Variants in KIF26A observed in about 807,000 individuals in gnomAD.
The protein encoded by KIF26A is kinesin-like protein KIF26A.
In KIF26A, 74 loss-of-function variants were observed where a neutral mutation model predicts 126.0. That is an observed-to-expected ratio of 0.59 (90% confidence interval 0.49 to 0.71). The LOEUF is 0.71. KIF26A is among the 30% of genes least tolerant of loss of function. The probability of loss-of-function intolerance (pLI) is 0.00; values close to 1 mark genes in which losing one functional copy is unlikely to be tolerated. For synonymous variants in KIF26A, 1,445 were observed against 1,232.7 expected, an observed-to-expected ratio of 1.17 and a Z score of -3.61; for missense variants, 2,984 against 2,763.3, an observed-to-expected ratio of 1.08 and a Z score of -1.79.
chr14:104,151,007 C>A lies in KIF26A; in HGVS notation c.289-1008C>A, dbSNP rs2037724247. ...GACAGACACTGGTCCTGACTCTGGC[C>A]CTGACTGTTGCAGAGTGGTCCCAAG... On this transcript the variant is annotated intron_variant, in intron 2 of 14. Transcript: ENST00000423312. This position sits in a 1 kb window ranked among gnomAD's most constrained non-coding sequence, Gnocchi z 4.9. Among the ~76,000 whole-genome samples the A allele has an allele frequency of 6.6e-6, 1 of 152,296 alleles. No homozygotes were observed. Among genetic ancestry groups the A allele is most frequent in the Admixed American group, 6.5e-5 (1 of 15,302 alleles).
chr14:104,149,895 A>G (rs549511040), intron 2 of KIF26A, among the ~76,000 whole-genome samples: 1 of 152,308 alleles, frequency 6.6e-6, no homozygotes, highest in Admixed American at 6.5e-5. Context: ...TAATAGCTCC[A>G]GCAGGCGGGG....
At position 104,141,535 on chromosome 14, in the gene KIF26A, G is replaced by A. The variant is rs1034479391; in HGVS notation, c.288+2247G>A. Among the ~76,000 whole-genome samples, 700 of 149,792 alleles carry A rather than the reference G, an allele frequency of 4.7e-3. 9 individuals carry two copies. The highest frequency in any genetic ancestry group is 6.3e-3 in the Non-Finnish European group (422 of 67,326). Reference sequence around the variant, plus strand: ...TTGTAGAGGGAGGCGTAGAGGGTCGGGGCCCAGCCTGCCAGGGTCTCCCTG... The same window carrying A: ...TTGTAGAGGGAGGCGTAGAGGGTCGAGGCCCAGCCTGCCAGGGTCTCCCTG... On this transcript the variant is annotated intron_variant, in intron 2 of 14. Coordinates refer to ENST00000423312, the MANE Select transcript of KIF26A (RefSeq NM_015656.2).
intron 4 of KIF26A, among the ~76,000 whole-genome samples, chr14:104,162,288 C>G (rs908233904): frequency 6.6e-6 from 1 of 152,150 alleles, no homozygotes; most frequent in Admixed American, 6.5e-5. Flanking sequence ...AGATGTGGGG[C>G]GAACAACCTT....
intron 3 of KIF26A, among the ~76,000 whole-genome samples, chr14:104,157,460 G>A (rs933803848): frequency 1.3e-5 from 2 of 152,094 alleles, no homozygotes; most frequent in African/African-American, 4.8e-5. Context: ...CTGGCTTCTG[G>A]ACCACCATCT....
chr14:104,143,993 G>T (rs930178758), intron 2 of KIF26A, among the ~76,000 whole-genome samples: 1 of 152,236 alleles, frequency 6.6e-6, no homozygotes, highest in Admixed American at 6.5e-5. Context: ...TTACTGTTGG[G>T]GAGGGAGCCT....
rs761563321 is a variant in KIF26A, at chr14:104,152,430, G to A, written c.704G>A (p.Arg235Gln). The change falls in exon 3 of 15, where the codon CGG (arginine) becomes CAG (glutamine). Residue 235 changes from arginine (R) to glutamine (Q), a missense_variant. Transcript: ENST00000423312. This position sits in a 1 kb window ranked among gnomAD's most constrained non-coding sequence, Gnocchi z 5.9. ...QCLEGMWSVSRVNSFLPPACL... is the reference protein window; with the variant it reads ...QCLEGMWSVSQVNSFLPPACL... ...CTGGAGGGCATGTGGAGTGTCTCGC[G>A]GGTCAACAGCTTCCTCCCGCCGGCG... 10 of 1,592,050 alleles carry A rather than the reference G, an allele frequency of 6.3e-6. No homozygotes were observed. The Admixed American group carries it at 8.7e-5, about 14-fold the overall frequency.
chr14:104,160,687 A>G (rs1361273855), intron 4 of KIF26A, among the ~76,000 whole-genome samples: 3 of 152,164 alleles, frequency 2.0e-5, no homozygotes, highest in African/African-American at 7.2e-5. Flanking sequence ...AGGTTCTGGC[A>G]ACTCTGATGA....
Position 104,151,986 on chromosome 14 carries a change from A to T in KIF26A, c.289-29A>T. On this transcript the variant is annotated intron_variant, in intron 2 of 14. Transcript: ENST00000423312. This position sits in a 1 kb window ranked among gnomAD's most constrained non-coding sequence, Gnocchi z 4.9. Reference sequence around the variant, plus strand: ...GCCGGCCCTCCCTCCCCAGGCACTGACCCTGCCTTTGTCCCTTGCTGTCCT... The same window carrying T: ...GCCGGCCCTCCCTCCCCAGGCACTGTCCCTGCCTTTGTCCCTTGCTGTCCT... 6.2e-7 allele frequency: 1 copy of T among 1,603,798 alleles called. No individual in the cohort carries two copies. The highest frequency in any genetic ancestry group is 8.5e-7 in the Non-Finnish European group (1 of 1,172,000).
rs772473186 is a variant in KIF26A, at chr14:104,176,483, C to T, written c.3695C>T (p.Pro1232Leu). The T allele has an allele frequency of 6.2e-7, 1 of 1,606,458 alleles. No homozygotes were observed. Among genetic ancestry groups the T allele is most frequent in the Non-Finnish European group, 8.5e-7 (1 of 1,179,588 alleles). ...RVGCARLGQS[P>L]PGRGGLFEDP... ...GGCTGTGCTCGCCTGGGCCAGAGCC[C>T]ACCTGGCCGTGGAGGCCTGTTTGAG... The change falls in exon 12 of 15, where the codon CCA (proline) becomes CTA (leucine). Residue 1232 changes from proline to leucine, a missense_variant. Pro to Leu is a moderately conservative substitution (Grantham distance 98). Transcript: ENST00000423312.
intron 4 of KIF26A, among the ~76,000 whole-genome samples, chr14:104,161,890 A>T (rs898326576): frequency 2.0e-5 from 3 of 152,176 alleles, no homozygotes; most frequent in African/African-American, 7.2e-5. Flanking sequence ...CAAACCCCTC[A>T]GACTTGCCCA....
intron 4 of KIF26A, among the ~76,000 whole-genome samples, chr14:104,166,472 C>T (rs1193271652): frequency 3.3e-5 from 5 of 152,158 alleles, no homozygotes; most frequent in African/African-American, 1.2e-4. Context: ...TGGCTGCCCA[C>T]AGCCTGGGCA....
chr14:104,172,634 T>C lies in KIF26A; in HGVS notation c.1386T>C (p.Asp462=). 1 of 1,613,258 alleles carries C rather than the reference T, an allele frequency of 6.2e-7. No individual in the cohort carries two copies. The highest frequency in any genetic ancestry group is 8.5e-7 in the Non-Finnish European group (1 of 1,179,764). The change falls in exon 7 of 15, where the codon GAT becomes GAC. Residue 462 remains aspartate, a synonymous_variant. Transcript: ENST00000423312. ...DVLQSVVSGA[D]GCIFSFGHMS... is the part of the protein sequence containing the mutation. ...TCCAGTCGGTGGTCAGTGGGGCTGA[T>C]GGCTGCATTTTTTCCTTTGGCCACA...
rs1215206042 is a variant in KIF26A at position 104,152,879 on chromosome 14, G to A, written c.735+418G>A. Among the ~76,000 whole-genome samples the A allele has an allele frequency of 6.6e-6, 1 of 152,164 alleles. No individual in the cohort carries two copies. Among genetic ancestry groups the A allele is most frequent in the Admixed American group, 6.5e-5 (1 of 15,292 alleles). ...CTGGGGGTGTGAGGCGTCCATGGAC[G>A]TCGGGCGGGGGACCGGCAGTTGCAA... On this transcript the variant is annotated intron_variant, in intron 3 of 14. Transcript: ENST00000423312. This position sits in a 1 kb window ranked among gnomAD's most constrained non-coding sequence, Gnocchi z 5.9.
At chr14:104,165,091 A>ATGTGTGTGTGTCTC (rs1032128724) in intron 4 of KIF26A, among the ~76,000 whole-genome samples, 1 of 117,196 alleles carries the variant, frequency 8.5e-6, no homozygotes, top group African/African-American at 3.4e-5. Flanking sequence ...GTGTGTTTCT[A>ATGTGTGTGTGTCTC]TGTGTGTGTG....
rs957392106 is a variant in KIF26A, at chr14:104,158,059, C to T, written c.923+117C>T. ...ACCTCGGGCATGCTTGCTGCTGAGA[C>T]GAGTGGATGGGGAGCTGCTCCGACC... On this transcript the variant is annotated intron_variant, in intron 4 of 14. Transcript: ENST00000423312. 44 of 993,752 alleles carry T rather than the reference C, an allele frequency of 4.4e-5. No individual in the cohort carries two copies. In the African/African-American group the frequency reaches 5.0e-4, roughly 11 times the overall value. 61.6% of individuals were successfully genotyped at this position (993,752 alleles called of 1,614,324 possible).
chr14:104,138,928 C>A (rs1011623964), intron 1 of KIF26A, 115 bp from the exon 2 acceptor site: 23 of 1,281,720 alleles, frequency 1.8e-5, no homozygotes, highest in Non-Finnish European at 2.2e-5. Flanking sequence ...GCGCCAGGGT[C>A]GTGCCCAGGG....
chr14:104,149,189 C>T (rs1230506938), intron 2 of KIF26A, among the ~76,000 whole-genome samples: 1 of 152,206 alleles, frequency 6.6e-6, no homozygotes, highest in Non-Finnish European at 1.5e-5. Flanking sequence ...GGAGAGATGG[C>T]CCCTGCCCTG....
chr14:104,175,032 C>T lies in KIF26A; in HGVS notation c.2244C>T (p.Ala748=), dbSNP rs550169331. 2.4e-4 allele frequency: 378 copies of T among 1,563,000 alleles called. 8 individuals carry two copies. The South Asian group carries it at 3.6e-3, about 15-fold the overall frequency. The part of the protein sequence containing the change: ...GGESSCEEGR[A]RRPPHLRPFH... ...AGAGCTCCTGTGAGGAAGGCCGGGC[C>T]CGTCGGCCCCCGCACCTGCGGCCCT... is the stretch of plus-strand genomic sequence containing the variant. Residue 748 remains alanine (A), a synonymous_variant, in exon 12 of 15, where the codon GCC becomes GCT. Transcript: ENST00000423312.
rs571001000 is a variant in KIF26A, at chr14:104,139,319, C to T, written c.288+31C>T. 2.6e-5 allele frequency: 36 copies of T among 1,408,562 alleles called. No individual in the cohort carries two copies. In the African/African-American group the frequency reaches 4.5e-4, roughly 18 times the overall value. 87.3% of individuals were successfully genotyped at this position (1,408,562 alleles called of 1,614,324 possible). ...TGACACTTCCTTAGGCCGACCCCTC[C>T]GAGCAGGGCCACGCCGAACTTGGGT... On this transcript the variant is annotated intron_variant, in intron 2 of 14. Transcript: ENST00000423312.
Sources: allele counts gnomAD v4.1 joint callset (sites outside exome capture counted in the v4.1 genomes callset), GRCh38; gene constraint gnomAD v4.1.1; non-coding constraint Gnocchi (gnomAD v3.1); transcripts MANE v1.5; gene names NCBI Gene and HGNC (gene_info 2026-07-23, HGNC 2026-07-21).